Variants in DPP6 observed in about 807,000 individuals in gnomAD.
DPP6 encodes A-type potassium channel modulatory protein DPP6.
A neutral mutation model predicts 122.6 loss-of-function variants in DPP6; 69 were observed. That is an observed-to-expected ratio of 0.56 (90% confidence interval 0.46 to 0.69). DPP6 has a LOEUF of 0.69. Ranked by LOEUF, DPP6 falls within the 30% of genes least tolerant of loss-of-function variation. The probability of loss-of-function intolerance (pLI) is 0.00; values close to 1 mark genes in which losing one functional copy is unlikely to be tolerated. For synonymous variants in DPP6, 418 were observed against 433.1 expected, an observed-to-expected ratio of 0.97 and a Z score of 0.43; for missense variants, 928 against 1,116.9, an observed-to-expected ratio of 0.83 and a Z score of 2.41.
At chr7:154,686,101 C>T (rs576491786) in intron 7 of DPP6, among the ~76,000 whole-genome samples, 1,557 of 7,640 alleles carry the variant, frequency 0.2, 25 homozygotes, top group East Asian at 0.3. Flanking sequence ...GCTAGGCACT[C>T]AGTGTATTAC....
intron 7 of DPP6, among the ~76,000 whole-genome samples, chr7:154,697,181 T>G (rs148629751): frequency 5.9e-5 from 9 of 152,222 alleles, no homozygotes; most frequent in Non-Finnish European, 1.2e-4. Context: ...TCAGGCATCA[T>G]GTGCATCATT....
At chr7:154,780,270 A>T (rs561761288) in intron 10 of DPP6, among the ~76,000 whole-genome samples, 18 of 152,324 alleles carry the variant, frequency 1.2e-4, no homozygotes, top group African/African-American at 4.3e-4. Flanking sequence ...TGATCATGGG[A>T]TCATTAATAA....
chr7:154,278,467 A>C (rs1428603693), intron 1 of DPP6, among the ~76,000 whole-genome samples: 1 of 152,260 alleles, frequency 6.6e-6, no homozygotes, highest in Non-Finnish European at 1.5e-5. Flanking sequence ...TTGACGATGC[A>C]AAATGACGAT....
At chr7:154,534,248 C>A (rs1449720960) in intron 3 of DPP6, among the ~76,000 whole-genome samples, 1 of 150,906 alleles carries the variant, frequency 6.6e-6, no homozygotes, top group East Asian at 1.9e-4. Flanking sequence ...TTATTAAGGT[C>A]ATTTATGAAA....
chr7:154,570,937 G>T (rs953707212), intron 5 of DPP6, among the ~76,000 whole-genome samples: 2 of 152,134 alleles, frequency 1.3e-5, no homozygotes, highest in African/African-American at 4.8e-5. Context: ...AAACAGTATT[G>T]TGTTTGTATT....
intron 5 of DPP6, among the ~76,000 whole-genome samples, chr7:154,572,608 C>G (rs1831197506): frequency 6.8e-6 from 1 of 146,234 alleles, no homozygotes; most frequent in Admixed American, 7.0e-5. Flanking sequence ...CCTCCCCATC[C>G]CAGGTTCAAG....
At chr7:154,147,489 CCTTT>C (rs1290934324) in intron 1 of DPP6, among the ~76,000 whole-genome samples, 218 of 103,456 alleles carry the variant, frequency 2.1e-3, no homozygotes, top group African/African-American at 9.5e-3. Context: ...TTCCTTCCTT[CCTTT>C]CTTTTTCTGT....
chr7:154,439,949 C>A (rs1252856186), intron 1 of DPP6, among the ~76,000 whole-genome samples: 2 of 152,136 alleles, frequency 1.3e-5, no homozygotes, highest in Non-Finnish European at 2.9e-5. Context: ...CCTGGGAGAG[C>A]CTGAGCAGTG....
chr7:154,186,278 G>GTTGATT (rs1364258883), intron 1 of DPP6, among the ~76,000 whole-genome samples: 12 of 152,320 alleles, frequency 7.9e-5, no homozygotes, highest in Non-Finnish European at 1.8e-4. Context: ...TCATACTTGG[G>GTTGATT]TCTGGCTCTG....
chr7:153,790,410 T>C, the DPP6 span, among the ~76,000 whole-genome samples: 9 of 152,192 alleles, frequency 5.9e-5, no homozygotes, highest in African/African-American at 2.2e-4. Flanking sequence ...AAGTATAAAC[T>C]GGCAATTATA....
At chr7:154,515,950 A>G (rs1235860075) in intron 3 of DPP6, among the ~76,000 whole-genome samples, 1 of 152,174 alleles carries the variant, frequency 6.6e-6, no homozygotes, top group Non-Finnish European at 1.5e-5. Context: ...CGAAAATACA[A>G]TCTATTCATT....
chr7:154,404,456 C>T (rs59032825), intron 1 of DPP6, among the ~76,000 whole-genome samples: 1 of 151,934 alleles, frequency 6.6e-6, no homozygotes, highest in African/African-American at 2.4e-5. Context: ...AAATATTTAC[C>T]ACAAATAAGA....
In DPP6 at chr7:154,017,394, G is replaced by A. The variant is rs561877883; in HGVS notation, c.51+129660G>A. Reference sequence around the variant, plus strand: ...CGTGCCCAGTCAACAATAATTTATTGTATATTTCAAAATATCTAGAGGAGG... The same window carrying A: ...CGTGCCCAGTCAACAATAATTTATTATATATTTCAAAATATCTAGAGGAGG... On this transcript the variant is annotated intron_variant, in intron 1 of 25. Coordinates refer to the DPP6 transcript ENST00000404039. Among the ~76,000 whole-genome samples the A allele has an allele frequency of 6.4e-4, 98 of 152,178 alleles. No individual in the cohort carries two copies. In the Middle Eastern group the frequency reaches 0.01, roughly 16 times the overall value.
intron 1 of DPP6, among the ~76,000 whole-genome samples, chr7:154,302,716 C>T (rs926082176): frequency 6.6e-6 from 1 of 152,196 alleles, no homozygotes; most frequent in African/African-American, 2.4e-5. Context: ...AAGCTCTTTA[C>T]TGAGAAGGAA....
chr7:153,835,480 A>G, the DPP6 span, among the ~76,000 whole-genome samples: 2 of 152,074 alleles, frequency 1.3e-5, no homozygotes, highest in African/African-American at 4.8e-5. Context: ...AATCCGCTTT[A>G]GTATTAGTTC....
chr7:154,073,157 G>A (rs1452934870), intron 1 of DPP6, among the ~76,000 whole-genome samples: 6 of 152,206 alleles, frequency 3.9e-5, no homozygotes, highest in Admixed American at 2.6e-4. Context: ...ATGTAAAGTC[G>A]CTCTGTGCAG....
At chr7:154,480,363 T>G (rs1823153039) in intron 3 of DPP6, among the ~76,000 whole-genome samples, 2 of 152,088 alleles carry the variant, frequency 1.3e-5, no homozygotes, top group South Asian at 4.1e-4. Context: ...CGCCCAGCAC[T>G]CTCCGAAACT....
rs1799727896 is a variant in DPP6 at position 154,821,055 on chromosome 7, G to A, written c.1666+13943G>A. Reference sequence around the variant, plus strand: ...GGCCGGTGTTGGGGATGCCCTTCTGGCTACTGTACTTCAAGATGTTCTCTG... The same window carrying A: ...GGCCGGTGTTGGGGATGCCCTTCTGACTACTGTACTTCAAGATGTTCTCTG... On this transcript the variant is annotated intron_variant, in intron 16 of 25. Transcript: ENST00000377770. This position sits in a 1 kb window ranked among gnomAD's most constrained non-coding sequence, Gnocchi z 4.2. Among the ~76,000 whole-genome samples the A allele has an allele frequency of 6.6e-6, 1 of 152,106 alleles. No individual in the cohort carries two copies. Among genetic ancestry groups the A allele is most frequent in the South Asian group, 2.1e-4 (1 of 4,820 alleles).
At chr7:154,646,913 C>G (rs990446723) in intron 6 of DPP6, among the ~76,000 whole-genome samples, 1 of 152,208 alleles carries the variant, frequency 6.6e-6, no homozygotes, top group South Asian at 2.1e-4. Flanking sequence ...ATTGCAGCTA[C>G]TCTTTTCAGT....
Sources: gnomAD v4.1 joint callset for allele counts (sites outside exome capture counted in the v4.1 genomes callset) on GRCh38, gnomAD v4.1.1 for gene constraint, Gnocchi (gnomAD v3.1) non-coding constraint, MANE v1.5 for transcripts, NCBI Gene and HGNC (gene_info 2026-07-23, HGNC 2026-07-21) for gene names.